Variants in MCM2 observed in about 807,000 individuals in gnomAD.
MCM2 encodes the protein minichromosome maintenance complex component 2.
In MCM2, 49 loss-of-function variants were observed where a neutral mutation model predicts 86.4. That is an observed-to-expected ratio of 0.57 (90% CI 0.45 to 0.72). The LOEUF is 0.72. Among genes scored for constraint, MCM2 ranks in the 30% least tolerant of loss-of-function variants. The probability of loss-of-function intolerance (pLI) is 0.00; values close to 1 mark genes in which losing one functional copy is unlikely to be tolerated. For missense variants in MCM2, 1,038 were observed against 1,259.9 expected (o/e 0.82, Z 2.67); for synonymous variants, 475 against 484.6 (o/e 0.98, Z 0.26).
intron 2 of MCM2, among the ~76,000 whole-genome samples, chr3:127,600,449 G>A (rs1034662934): frequency 1.3e-5 from 2 of 152,172 alleles, no homozygotes; most frequent in African/African-American, 4.8e-5. Context: ...GAGCCTCGTG[G>A]AGATGCTCCT....
At chr3:127,610,282 T>A (rs2074384887) in intron 8 of MCM2, among the ~76,000 whole-genome samples, 1 of 152,194 alleles carries the variant, frequency 6.6e-6, no homozygotes. Flanking sequence ...CCTTCTGACG[T>A]ATGTAAACCC....
In MCM2 at chr3:127,617,091, A is replaced by G; in HGVS notation, c.1746A>G (p.Gly582=). ...GGGCCCTGGTTCTGGCTGACCGAGGAGTGTGTCTCATTGATGAATTTGACA... is the reference window on the plus strand; with the variant it reads ...GGGCCCTGGTTCTGGCTGACCGAGGGGTGTGTCTCATTGATGAATTTGACA... ...EAGALVLADR[G]VCLIDEFDKM... Residue 582 remains glycine, a synonymous_variant, in exon 10 of 16, where the codon GGA becomes GGG. Transcript: ENST00000265056. This position sits in a 1 kb window ranked among gnomAD's most constrained non-coding sequence, Gnocchi z 4.1. 1.2e-6 allele frequency: 2 copies of G among 1,613,864 alleles called. No individual in the cohort carries two copies. Among genetic ancestry groups the G allele is most frequent in the Non-Finnish European group, 1.7e-6 (2 of 1,179,908 alleles).
intron 4 of MCM2, among the ~76,000 whole-genome samples, 162 bp from the exon 5 acceptor site, chr3:127,605,956 A>G (rs906531473): frequency 5.9e-5 from 9 of 152,180 alleles, no homozygotes; most frequent in African/African-American, 1.7e-4. Context: ...AGCTCAGGCT[A>G]TGTCACAGCT....
rs1249903285 is a variant in MCM2, at chr3:127,599,567, T to G, written c.236+20T>G. 4 of 1,595,994 alleles carry G rather than the reference T, an allele frequency of 2.5e-6. No homozygotes were observed. In the South Asian group the frequency reaches 4.5e-5, roughly 18 times the overall value. Reference sequence around the variant, plus strand: ...GGAAAGGTAATTTCATTCAAGGCCCTGGACTCAGCAGATAGTTTTGCAGAG... The same window carrying G: ...GGAAAGGTAATTTCATTCAAGGCCCGGGACTCAGCAGATAGTTTTGCAGAG... On this transcript the variant is annotated intron_variant, in intron 2 of 15. Coordinates refer to ENST00000265056, the MANE Select transcript of MCM2 (RefSeq NM_004526.4).
In MCM2 at chr3:127,599,470, C is replaced by T. The variant is rs572319263; in HGVS notation, c.159C>T (p.Ser53=). The change falls in exon 2 of 16, where the codon TCC becomes TCT. Residue 53 remains serine (S), a synonymous_variant. Coordinates refer to ENST00000265056, the MANE Select transcript of MCM2 (RefSeq NM_004526.4). ...ACCTTCCACCATTTGAGGATGAGTC[C>T]GAGGGGCTCCTAGGCACAGAGGGGC... The part of the protein sequence containing the change: ...GRDLPPFEDE[S]EGLLGTEGPL... 88 of 1,613,976 alleles carry T rather than the reference C, an allele frequency of 5.5e-5. No individual in the cohort carries two copies. In the Admixed American group the frequency reaches 8.3e-4, roughly 15 times the overall value.
chr3:127,608,720 T>C, intron 7 of MCM2, 112 bp from the exon 8 acceptor site: 2 of 1,233,392 alleles, frequency 1.6e-6, no homozygotes, highest in Admixed American at 1.9e-5. Flanking sequence ...GAGTTACTTA[T>C]CTTGGTGTCT....
intron 1 of MCM2, chr3:127,598,940 T>C: frequency 2.9e-6 from 1 of 349,896 alleles, no homozygotes. Flanking sequence ...ATGCCATCTC[T>C]ATCACAATAC....
chr3:127,604,765 C>T lies in MCM2; in HGVS notation c.394C>T (p.Arg132Cys), dbSNP rs769338291. 4.6e-5 allele frequency: 73 copies of T among 1,595,968 alleles called. No homozygotes were observed. Among genetic ancestry groups the T allele is most frequent in the South Asian group, 6.7e-5 (6 of 89,586 alleles). ...REAGRGLGRM[R>C]RGLLYDSDEE... Reference sequence around the variant, plus strand: ...GGCTGGCCGGGGCCTGGGCCGCATGCGCCGTGGGCTCCTGTATGGTAGGTC... The same window carrying T: ...GGCTGGCCGGGGCCTGGGCCGCATGTGCCGTGGGCTCCTGTATGGTAGGTC... The change falls in exon 3 of 16, where the codon CGC becomes TGC. Residue 132 changes from arginine (R) to cysteine (C), a missense_variant. By Grantham distance (180) the Arg-to-Cys change is radical. Around this residue, in one of 4 missense-constraint regions of MCM2, gnomAD observed 300 missense variants for 307.4 expected, o/e 0.98. Transcript: ENST00000265056.
intron 13 of MCM2, among the ~76,000 whole-genome samples, chr3:127,619,589 G>A (rs1037793913): frequency 7.9e-5 from 12 of 152,164 alleles, no homozygotes; most frequent in African/African-American, 2.9e-4. Flanking sequence ...TGAGGCAGGA[G>A]AATCGCTTGA....
intron 8 of MCM2, among the ~76,000 whole-genome samples, chr3:127,613,886 C>A (rs1483068920): frequency 1.3e-5 from 2 of 152,132 alleles, no homozygotes; most frequent in African/African-American, 4.8e-5. Flanking sequence ...CATGTCATCC[C>A]ATGGCAAAAA....
rs140168003 is a variant in MCM2 at position 127,612,445 on chromosome 3, T to C, written c.1429-3417T>C. 4.5e-3 allele frequency among the ~76,000 whole-genome samples: 681 copies of C among 152,356 alleles called. 2 individuals are homozygous for C. The highest frequency in any genetic ancestry group is 8.0e-3 in the Non-Finnish European group (546 of 68,028). ...TGAGAGTAAACACTCATAGAGTTGT[T>C]ATAAAGATCAAATAAATTAGTGCAT... On this transcript the variant is annotated intron_variant, in intron 8 of 15. Transcript: ENST00000265056.
chr3:127,608,803 C>T, intron 7 of MCM2, 29 bp from the exon 8 acceptor site: 1 of 1,611,114 alleles, frequency 6.2e-7, no homozygotes, highest in South Asian at 1.1e-5. Flanking sequence ...GGGTTAGGCT[C>T]TGACTTCTTG....
intron 1 of MCM2, 115 bp downstream of exon 1, chr3:127,598,587 G>A: frequency 7.5e-7 from 1 of 1,337,276 alleles, no homozygotes; most frequent in Non-Finnish European, 1.0e-6. Flanking sequence ...TGGGCCCCAG[G>A]CTCTGGGGCG....
Position 127,618,170 on chromosome 3 carries a change from G to T in MCM2, c.2013+89G>T, listed in dbSNP as rs1246168877. ...GTCATACAGTGTGCCCAACACAGGG[G>T]ACAGGTGCTGCAGGGGCCATAGGCT... On this transcript the variant is annotated intron_variant, in intron 12 of 15. Coordinates refer to ENST00000265056, the MANE Select transcript of MCM2 (RefSeq NM_004526.4). This position sits in a 1 kb window ranked among gnomAD's most constrained non-coding sequence, Gnocchi z 4.0. 1.0e-6 allele frequency: 1 copy of T among 1,003,028 alleles called. No individual in the cohort carries two copies. 62.1% of individuals were successfully genotyped at this position (1,003,028 alleles called of 1,614,324 possible). A position where few individuals can be genotyped will look rare whatever the true frequency, so the allele number is the denominator to read the frequency against.
chr3:127,603,809 A>G (rs1016573872), intron 2 of MCM2, among the ~76,000 whole-genome samples: 5 of 152,134 alleles, frequency 3.3e-5, no homozygotes, highest in South Asian at 4.1e-4. Flanking sequence ...CTAGAGGCAC[A>G]TGACACTACG....
intron 8 of MCM2, among the ~76,000 whole-genome samples, chr3:127,615,037 C>T (rs1208637783): frequency 1.3e-5 from 2 of 152,208 alleles, no homozygotes; most frequent in South Asian, 2.1e-4. Context: ...GCAGGACATA[C>T]AGGATGCAGC....
rs1328571595 is a variant in MCM2 at position 127,619,101 on chromosome 3, G to A, written c.2088G>A (p.Leu696=). Residue 696 remains leucine, a synonymous_variant, in exon 13 of 16, where the codon CTG becomes CTA. Transcript: ENST00000265056. ...HHPSNKEEEG[L]ANGSAAEPAM... ...CCAGCAACAAGGAGGAGGAGGGGCTGGCCAATGGCAGCGCTGCTGAGCCCG... is the reference window on the plus strand; with the variant it reads ...CCAGCAACAAGGAGGAGGAGGGGCTAGCCAATGGCAGCGCTGCTGAGCCCG... 6.8e-6 allele frequency: 11 copies of A among 1,613,352 alleles called. No individual in the cohort carries two copies. The highest frequency in any genetic ancestry group is 9.3e-6 in the Non-Finnish European group (11 of 1,179,718).
intron 8 of MCM2, among the ~76,000 whole-genome samples, chr3:127,615,334 TCA>T (rs771620426): frequency 2.6e-4 from 39 of 152,214 alleles, no homozygotes; most frequent in Non-Finnish European, 4.4e-4. Context: ...TTTCTTTCTC[TCA>T]CACACACACT....
intron 8 of MCM2, among the ~76,000 whole-genome samples, chr3:127,611,892 G>T (rs2074401144): frequency 6.9e-6 from 1 of 145,344 alleles, no homozygotes; most frequent in African/African-American, 2.8e-5. Flanking sequence ...GTAGAGACGG[G>T]GTTTCACCGT....
Sources: gnomAD v4.1 joint callset for allele counts (sites outside exome capture counted in the v4.1 genomes callset) on GRCh38, gnomAD v4.1.1 for gene constraint, gnomAD v4.1.1 regional missense constraint, Gnocchi (gnomAD v3.1) non-coding constraint, MANE v1.5 for transcripts, NCBI Gene and HGNC (gene_info 2026-07-23, HGNC 2026-07-21) for gene names.